Variants in EXT1 observed in about 807,000 individuals in gnomAD.
EXT1 encodes the protein exostosin-1.
Under a neutral mutation model 82.5 loss-of-function variants are expected in EXT1, and 20 were observed. The ratio of observed to expected loss-of-function variants is 0.24; its 90% CI spans 0.17 to 0.35. The LOEUF (loss-of-function observed/expected upper bound fraction) is 0.35, where lower values mean the gene tolerates loss of function less well. Ranked by LOEUF, EXT1 falls within the 10% of genes least tolerant of loss-of-function variation. The probability of loss-of-function intolerance (pLI) is 1.00; values close to 1 mark genes in which losing one functional copy is unlikely to be tolerated. For missense variants in EXT1, 757 were observed against 936.5 expected, an observed-to-expected ratio of 0.81 and a Z score of 2.50; for synonymous variants, 348 against 350.8, an observed-to-expected ratio of 0.99 and a Z score of 0.09.
At chr8:117,824,650 T>G (rs1811980564) in intron 4 of EXT1, among the ~76,000 whole-genome samples, 1 of 152,338 alleles carries the variant, frequency 6.6e-6, no homozygotes, top group East Asian at 1.9e-4. Context: ...CCTGTGTTCG[T>G]TTTCTAGGCA....
chr8:118,065,774 G>C (rs1214417382), intron 1 of EXT1, among the ~76,000 whole-genome samples: 1 of 152,196 alleles, frequency 6.6e-6, no homozygotes, highest in Non-Finnish European at 1.5e-5. Context: ...GGAAAAGTTA[G>C]GAATGTAATA....
chr8:117,956,956 C>T (rs1026727560), intron 1 of EXT1, among the ~76,000 whole-genome samples: 3 of 152,104 alleles, frequency 2.0e-5, no homozygotes, highest in Non-Finnish European at 2.9e-5. Context: ...AATTCAATCC[C>T]GTGACCATGA....
intron 1 of EXT1, among the ~76,000 whole-genome samples, chr8:118,046,861 C>T (rs937802033): frequency 1.3e-5 from 2 of 152,198 alleles, no homozygotes; most frequent in African/African-American, 4.8e-5. Context: ...CAGAATACCC[C>T]TATGGGGTCT....
At chr8:117,963,431 C>A (rs1447869500) in intron 1 of EXT1, among the ~76,000 whole-genome samples, 1 of 152,142 alleles carries the variant, frequency 6.6e-6, no homozygotes, top group African/African-American at 2.4e-5. Flanking sequence ...CTTCTTTGGC[C>A]TTTTGAACAC....
intron 1 of EXT1, among the ~76,000 whole-genome samples, chr8:117,846,127 CAG>C (rs1458149193): frequency 2.6e-5 from 4 of 152,062 alleles, no homozygotes; most frequent in Non-Finnish European, 5.9e-5. Context: ...CCCCTTTGAG[CAG>C]AGTCTTCTTG....
At chr8:117,818,728 A>T (rs1409004433) in intron 6 of EXT1, among the ~76,000 whole-genome samples, 198 bp from the exon 7 acceptor site, 1 of 152,150 alleles carries the variant, frequency 6.6e-6, no homozygotes, top group Non-Finnish European at 1.5e-5. Flanking sequence ...CAACAACTGG[A>T]GAGAGGACAG....
Position 118,110,151 on chromosome 8 carries a change from T to G in EXT1, c.896A>C (p.Lys299Thr). ...GTGCTTTTGCCAGTCTTTGCCATGC[T>G]TGCAGGTGGTGAGGAGCACAACGTC... ...GEDVVLLTTC[K>T]HGKDWQKHKD... The change falls in exon 1 of 11, where the codon AAG (lysine) becomes ACG (threonine). Residue 299 changes from lysine to threonine, a missense_variant. This residue lies in a region of EXT1 where 247 missense variants were observed against 330.1 expected (regional missense o/e 0.75). Coordinates refer to ENST00000378204, the MANE Select transcript of EXT1 (RefSeq NM_000127.3). 6.2e-7 allele frequency: 1 copy of G among 1,614,208 alleles called. No individual in the cohort carries two copies. Among genetic ancestry groups the G allele is most frequent in the South Asian group, 1.1e-5 (1 of 91,086 alleles).
At chr8:118,074,487 A>G (rs1291563661) in intron 1 of EXT1, among the ~76,000 whole-genome samples, 1 of 152,114 alleles carries the variant, frequency 6.6e-6, no homozygotes, top group Non-Finnish European at 1.5e-5. Flanking sequence ...GGCCCGGGCC[A>G]GGCAGAGCCC....
At chr8:117,913,354 C>T (rs1813688040) in intron 1 of EXT1, among the ~76,000 whole-genome samples, 2 of 152,166 alleles carry the variant, frequency 1.3e-5, no homozygotes, top group South Asian at 4.1e-4. Flanking sequence ...TTCTTCAGCT[C>T]ATCTCCAGTC....
In EXT1 at chr8:118,033,310, A is replaced by G. The variant is rs148204144; in HGVS notation, c.962+76775T>C. Among the ~76,000 whole-genome samples the G allele has an allele frequency of 4.2e-3, 634 of 152,300 alleles. 3 individuals carry two copies. Among genetic ancestry groups the G allele is most frequent in the African/African-American group, 0.014 (586 of 41,570 alleles). The stretch of plus-strand genomic sequence containing the variant: ...TTAAAACGGTGTTGGTAATAATACC[A>G]CACAATCTGTACCAAGGCTCAGGTC... On this transcript the variant is annotated intron_variant, in intron 1 of 10. Coordinates refer to ENST00000378204, the MANE Select transcript of EXT1 (RefSeq NM_000127.3).
At chr8:117,863,483 C>T (rs1812722236) in intron 1 of EXT1, among the ~76,000 whole-genome samples, 1 of 147,226 alleles carries the variant, frequency 6.8e-6, no homozygotes, top group Non-Finnish European at 1.5e-5. Flanking sequence ...TGCTGGCAGA[C>T]GGCTGATGCG....
intron 4 of EXT1, among the ~76,000 whole-genome samples, chr8:117,829,101 C>T (rs17474553): frequency 0.019 from 2,937 of 152,270 alleles, 100 homozygotes; most frequent in African/African-American, 0.068. Context: ...ATGCCCCCAC[C>T]TCATTTTGGG....
chr8:117,832,237 AT>A (rs1420589347), intron 3 of EXT1, among the ~76,000 whole-genome samples: 1 of 152,186 alleles, frequency 6.6e-6, no homozygotes, highest in Non-Finnish European at 1.5e-5. Context: ...TATTAGAAAA[AT>A]GCCTAAGGCC....
At chr8:118,081,958 T>C (rs937854529) in intron 1 of EXT1, among the ~76,000 whole-genome samples, 2 of 152,138 alleles carry the variant, frequency 1.3e-5, no homozygotes, top group Middle Eastern at 3.2e-3. Context: ...GGTAAATATA[T>C]GAAAATATGG....
rs115486759 is a variant in EXT1, at chr8:118,108,772, C to T, written c.962+1313G>A. Among the ~76,000 whole-genome samples, 957 of 152,252 alleles carry T rather than the reference C, an allele frequency of 6.3e-3. 8 individuals are homozygous for T. The highest frequency in any genetic ancestry group is 0.022 in the African/African-American group (922 of 41,548). ...CCTAGTGTCTGAAAAAATGCACAGA[C>T]GACAATCAAACCTTTCATTTCAAGG... On this transcript the variant is annotated intron_variant, in intron 1 of 10. Coordinates refer to ENST00000378204, the MANE Select transcript of EXT1 (RefSeq NM_000127.3).
intron 1 of EXT1, among the ~76,000 whole-genome samples, chr8:118,082,874 T>C (rs569225760): frequency 1.3e-5 from 2 of 152,174 alleles, no homozygotes; most frequent in Non-Finnish European, 2.9e-5. Context: ...TCTTCTGAAA[T>C]TGAAAATAGA....
At chr8:118,099,907 C>T (rs778300316) in intron 1 of EXT1, among the ~76,000 whole-genome samples, 15 of 152,204 alleles carry the variant, frequency 9.9e-5, no homozygotes, top group Non-Finnish European at 1.6e-4. Context: ...CCACAGCCAA[C>T]TTCCCCTAAC....
At chr8:117,935,093 A>G (rs567208732) in intron 1 of EXT1, among the ~76,000 whole-genome samples, 2 of 152,246 alleles carry the variant, frequency 1.3e-5, no homozygotes, top group South Asian at 4.1e-4. Flanking sequence ...CCTTATCTCT[A>G]AAATGAGGAC....
intron 1 of EXT1, among the ~76,000 whole-genome samples, chr8:117,998,294 G>T (rs1021028308): frequency 6.6e-6 from 1 of 152,002 alleles, no homozygotes; most frequent in African/African-American, 2.4e-5. Context: ...TTACAGGTGT[G>T]AGCCACCACA....
Sources: gnomAD v4.1 joint callset for allele counts (sites outside exome capture counted in the v4.1 genomes callset) on GRCh38, gnomAD v4.1.1 for gene constraint, gnomAD v4.1.1 regional missense constraint, MANE v1.5 for transcripts, NCBI Gene and HGNC (gene_info 2026-07-23, HGNC 2026-07-21) for gene names.